The following GALNT18 variants were observed in gnomAD, a reference collection of about 807,000 sequenced individuals.
The protein encoded by GALNT18 is polypeptide N-acetylgalactosaminyltransferase 18, also known as GalNAc-transferase 18.
A neutral mutation model predicts 69.5 loss-of-function variants in GALNT18; 44 were observed. The observed-to-expected ratio is 0.63, with a 90% CI of 0.50 to 0.81. The LOEUF (loss-of-function observed/expected upper bound fraction) is 0.81. Ranked by LOEUF, GALNT18 falls within the 40% of genes least tolerant of loss-of-function variation. The pLI is 0.00. For synonymous variants in GALNT18, 364 were observed against 318.2 expected (o/e 1.14, Z -1.53); for missense variants, 715 against 810.0 (o/e 0.88, Z 1.42).
At chr11:11,526,518 A>G (rs987845932) in intron 1 of GALNT18, among the ~76,000 whole-genome samples, 1 of 152,170 alleles carries the variant, frequency 6.6e-6, no homozygotes, top group Non-Finnish European at 1.5e-5. Context: ...TCTTTTAAAA[A>G]TATATTTCTT....
At chr11:11,428,404 A>T (rs894888373) in intron 3 of GALNT18, among the ~76,000 whole-genome samples, 6 of 152,210 alleles carry the variant, frequency 3.9e-5, no homozygotes, top group African/African-American at 1.4e-4. Flanking sequence ...AGCCAGGGCC[A>T]GGCCCCTTCC....
At chr11:11,271,748 C>T (rs1263439682) in intron 10 of GALNT18, among the ~76,000 whole-genome samples, 1 of 152,222 alleles carries the variant, frequency 6.6e-6, no homozygotes, top group Non-Finnish European at 1.5e-5. Context: ...ATACTGGTTT[C>T]AACCAAAGTC....
intron 1 of GALNT18, among the ~76,000 whole-genome samples, chr11:11,556,688 C>T (rs537287281): frequency 5.3e-5 from 8 of 152,186 alleles, no homozygotes; most frequent in Non-Finnish European, 8.8e-5. Context: ...CAGGATACAG[C>T]GCTATTTGCA....
chr11:11,350,166 T>A (rs1472775087), intron 6 of GALNT18, among the ~76,000 whole-genome samples: 1 of 152,196 alleles, frequency 6.6e-6, no homozygotes, highest in Non-Finnish European at 1.5e-5. Flanking sequence ...AATCTGGGAT[T>A]TGCTGAAACA....
chr11:11,477,675 C>A (rs1406497386), intron 1 of GALNT18, among the ~76,000 whole-genome samples: 1 of 152,142 alleles, frequency 6.6e-6, no homozygotes, highest in African/African-American at 2.4e-5. Flanking sequence ...TAGCACTGGA[C>A]CCTCTTAAGA....
At position 11,382,166 on chromosome 11, in the gene GALNT18, T is replaced by A. The variant is rs889616644; in HGVS notation, c.596-2902A>T. ...AAAATTCCATCCCCAGTTAGTTGCA[T>A]CCCAAACATGTGCTGCTGATTAGAA... On this transcript the variant is annotated intron_variant, in intron 3 of 10. Transcript: ENST00000227756. The surrounding 1 kb of genome is among the most constrained non-coding windows in gnomAD (Gnocchi z 4.3). Among the ~76,000 whole-genome samples the A allele has an allele frequency of 6.6e-6, 1 of 152,116 alleles. No homozygotes were observed. Among genetic ancestry groups the A allele is most frequent in the Non-Finnish European group, 1.5e-5 (1 of 68,024 alleles).
In GALNT18 at chr11:11,525,024, G is replaced by A. The variant is rs78428315; in HGVS notation, c.236-76088C>T. ...CTGGATCTTGAAGACTAAGTCCAGG[G>A]TTATCAGAGAAGGTTGAAGAGAAAG... On this transcript the variant is annotated intron_variant, in intron 1 of 10. Transcript: ENST00000227756. Among the ~76,000 whole-genome samples, 12 of 152,240 alleles carry A rather than the reference G, an allele frequency of 7.9e-5. 1 individual carries two copies. In the East Asian group the frequency reaches 2.3e-3, roughly 29 times the overall value.
In GALNT18 at chr11:11,500,497, T is replaced by C. The variant is rs1248564758; in HGVS notation, c.236-51561A>G. Among the ~76,000 whole-genome samples, 1 of 152,154 alleles carries C rather than the reference T, an allele frequency of 6.6e-6. No individual in the cohort carries two copies. The highest frequency in any genetic ancestry group is 1.5e-5 in the Non-Finnish European group (1 of 68,024). Reference sequence around the variant, plus strand: ...CAGCCATGTCTGGAGATGTTTTTGGTTGTCACATCGTGGTGGGTGGATGGA... The same window carrying C: ...CAGCCATGTCTGGAGATGTTTTTGGCTGTCACATCGTGGTGGGTGGATGGA... On this transcript the variant is annotated intron_variant, in intron 1 of 10. Coordinates refer to ENST00000227756, the MANE Select transcript of GALNT18 (RefSeq NM_198516.3). The surrounding 1 kb of genome is among the most constrained non-coding windows in gnomAD (Gnocchi z 5.0).
At chr11:11,349,247 C>G (rs1488777199) in intron 6 of GALNT18, among the ~76,000 whole-genome samples, 4 of 152,126 alleles carry the variant, frequency 2.6e-5, no homozygotes, top group African/African-American at 9.7e-5. Flanking sequence ...GGATGGTGCT[C>G]CTCGGAACGC....
intron 6 of GALNT18, among the ~76,000 whole-genome samples, chr11:11,358,729 C>G (rs1280963089): frequency 7.2e-6 from 1 of 138,052 alleles, no homozygotes; most frequent in East Asian, 1.9e-4. Context: ...CTAGGTGTTA[C>G]CCCACCACAG....
intron 3 of GALNT18, among the ~76,000 whole-genome samples, chr11:11,386,223 T>C (rs146516178): frequency 2.0e-5 from 3 of 152,108 alleles, no homozygotes; most frequent in African/African-American, 7.2e-5. Context: ...CATTGCAGAG[T>C]CTCCAAGTCT....
rs531572628 is a variant in GALNT18 at position 11,469,665 on chromosome 11, A to C, written c.236-20729T>G. 8.5e-5 allele frequency among the ~76,000 whole-genome samples: 13 copies of C among 152,306 alleles called. No homozygotes were observed. Among genetic ancestry groups the C allele is most frequent in the African/African-American group, 3.1e-4 (13 of 41,568 alleles). On this transcript the variant is annotated intron_variant, in intron 1 of 10. Transcript: ENST00000227756. The surrounding 1 kb of genome is among the most constrained non-coding windows in gnomAD (Gnocchi z 4.2). ...CATGCCCTTGTCAGCTGAGGGTCTC[A>C]GGGCTGGCTACATGGACGGTGTTAA...
chr11:11,509,794 G>A (rs1267101605), intron 1 of GALNT18, among the ~76,000 whole-genome samples: 1 of 152,226 alleles, frequency 6.6e-6, no homozygotes, highest in Admixed American at 6.5e-5. Context: ...GACCTTCACT[G>A]CCCTGTGATT....
chr11:11,535,241 G>C (rs1214622534), intron 1 of GALNT18, among the ~76,000 whole-genome samples: 4 of 152,168 alleles, frequency 2.6e-5, no homozygotes, highest in Admixed American at 6.5e-5. Context: ...GGGCACTCTG[G>C]TACCATGGGT....
At chr11:11,285,862 A>T (rs1849182649) in intron 10 of GALNT18, among the ~76,000 whole-genome samples, 1 of 152,082 alleles carries the variant, frequency 6.6e-6, no homozygotes, top group Non-Finnish European at 1.5e-5. Flanking sequence ...TGCGTGCGTT[A>T]CTCATCTTGC....
At chr11:11,453,560 G>T (rs4910345) in intron 1 of GALNT18, among the ~76,000 whole-genome samples, 3 of 152,050 alleles carry the variant, frequency 2.0e-5, no homozygotes, top group South Asian at 4.1e-4. Context: ...GTTTGGCTAC[G>T]TCCCCACCCA....
At chr11:11,578,985 A>G (rs1353570228) in intron 1 of GALNT18, among the ~76,000 whole-genome samples, 1 of 152,212 alleles carries the variant, frequency 6.6e-6, no homozygotes, top group African/African-American at 2.4e-5. Flanking sequence ...CCCTGGCTTC[A>G]GGAAGGAAGG....
rs527935354 is a variant in GALNT18, at chr11:11,402,353, C to T, written c.596-23089G>A. 4.6e-5 allele frequency among the ~76,000 whole-genome samples: 7 copies of T among 152,292 alleles called. No homozygotes were observed. Among genetic ancestry groups the T allele is most frequent in the African/African-American group, 1.4e-4 (6 of 41,560 alleles). ...AAAAAATAACTGTTGTCATTGTGGGCGTAGACATGTTTTAATCCATGATGA... is the reference window on the plus strand; with the variant it reads ...AAAAAATAACTGTTGTCATTGTGGGTGTAGACATGTTTTAATCCATGATGA... On this transcript the variant is annotated intron_variant, in intron 3 of 10. Coordinates refer to ENST00000227756, the MANE Select transcript of GALNT18 (RefSeq NM_198516.3). The surrounding 1 kb of genome is among the most constrained non-coding windows in gnomAD (Gnocchi z 4.0).
chr11:11,473,018 C>A (rs1294964369), intron 1 of GALNT18, among the ~76,000 whole-genome samples: 1 of 151,856 alleles, frequency 6.6e-6, no homozygotes, highest in African/African-American at 2.4e-5. Flanking sequence ...AAAAAAGATT[C>A]TACAGCAAGC....
Sources: gnomAD v4.1 joint callset for allele counts (sites outside exome capture counted in the v4.1 genomes callset) on GRCh38, gnomAD v4.1.1 for gene constraint, Gnocchi (gnomAD v3.1) non-coding constraint, MANE v1.5 for transcripts, NCBI Gene and HGNC (gene_info 2026-07-23, HGNC 2026-07-21) for gene names.